The following MCF2L variants were observed in gnomAD, a reference collection of about 807,000 sequenced individuals.
MCF2L encodes MCF.2 cell line derived transforming sequence like, also known as guanine nucleotide exchange factor DBS.
MCF2L carries 97 observed loss-of-function variants against 153.4 expected under a neutral mutation model. That is an observed-to-expected ratio of 0.63 (90% CI 0.54 to 0.75). MCF2L has a LOEUF of 0.75. MCF2L is among the 30% of genes least tolerant of loss of function. MCF2L has a pLI of 0.00. For synonymous variants in MCF2L, 659 were observed against 632.2 expected (o/e 1.04, Z -0.64); for missense variants, 1,347 against 1,495.2 (o/e 0.90, Z 1.64).
At chr13:113,058,990 C>CTGAGTGTTTT (rs2030887439) in intron 4 of MCF2L, among the ~76,000 whole-genome samples, 2 of 69,348 alleles carry the variant, frequency 2.9e-5, no homozygotes, top group Non-Finnish European at 6.5e-5. Flanking sequence ...CTGAGTGTTT[C>CTGAGTGTTTT]AGTGCCATTT....
chr13:113,012,594 A>G (rs2084226912), intron 1 of MCF2L, among the ~76,000 whole-genome samples: 1 of 111,808 alleles, frequency 8.9e-6, no homozygotes, highest in African/African-American at 3.2e-5. Flanking sequence ...TGCAGTGTGG[A>G]CTGTGGACAC....
intron 1 of MCF2L, among the ~76,000 whole-genome samples, chr13:113,005,972 G>A (rs2083669054): frequency 6.6e-6 from 1 of 152,202 alleles, no homozygotes; most frequent in Non-Finnish European, 1.5e-5. Flanking sequence ...CTGAGTAAAT[G>A]GGGCTGCTTA....
chr13:112,911,719 G>C (rs1277133577), intron 2 of MCF2L, among the ~76,000 whole-genome samples: 1 of 152,272 alleles, frequency 6.6e-6, no homozygotes, highest in East Asian at 1.9e-4. Context: ...TTTCCTCACA[G>C]AATACCCGGG....
At position 112,962,711 on chromosome 13, in the gene MCF2L, C is replaced by G. The variant is rs914431506; in HGVS notation, c.170-52052C>G. On this transcript the variant is annotated intron_variant, in intron 2 of 29. Coordinates refer to the MCF2L transcript ENST00000375608. ...CTAGCCGTTCTCCCGGGACCTCCCCCCAGGCTCTGGGAGGGAAGGCCCCAA... is the reference window on the plus strand; with the variant it reads ...CTAGCCGTTCTCCCGGGACCTCCCCGCAGGCTCTGGGAGGGAAGGCCCCAA... Among the ~76,000 whole-genome samples, 6 of 152,232 alleles carry G rather than the reference C, an allele frequency of 3.9e-5. No individual in the cohort carries two copies. The South Asian group carries it at 1.2e-3, about 31-fold the overall frequency.
intron 2 of MCF2L, among the ~76,000 whole-genome samples, chr13:113,015,177 C>G (rs1261773988): frequency 6.6e-6 from 1 of 152,190 alleles, no homozygotes; most frequent in Non-Finnish European, 1.5e-5. Context: ...TCAGTGAACC[C>G]CAGTTCCTGC....
chr13:112,963,844 C>T (rs2081861970), intron 2 of MCF2L, among the ~76,000 whole-genome samples: 1 of 152,218 alleles, frequency 6.6e-6, no homozygotes, highest in Admixed American at 6.5e-5. Context: ...GTGCTGGCCC[C>T]CCAGAAGCTG....
chr13:112,897,815 C>T (rs922398560), intron 1 of MCF2L, among the ~76,000 whole-genome samples: 8 of 152,336 alleles, frequency 5.3e-5, no homozygotes, highest in African/African-American at 1.9e-4. Context: ...AGAGACATGG[C>T]AGGTGGAGCC....
intron 1 of MCF2L, among the ~76,000 whole-genome samples, chr13:112,971,095 G>T (rs538929779): frequency 1.6e-4 from 24 of 152,286 alleles, no homozygotes; most frequent in African/African-American, 5.8e-4. Flanking sequence ...TTCTGCTCAC[G>T]CTGTGTGAGG....
chr13:112,959,424 G>A (rs2081797518), intron 2 of MCF2L, among the ~76,000 whole-genome samples: 2 of 152,090 alleles, frequency 1.3e-5, no homozygotes, highest in East Asian at 1.9e-4. Flanking sequence ...TCTCTGGCAC[G>A]GCCTCGGTGT....
At chr13:112,958,867 G>A (rs552767240) in intron 2 of MCF2L, among the ~76,000 whole-genome samples, 16 of 152,258 alleles carry the variant, frequency 1.1e-4, no homozygotes, top group African/African-American at 3.1e-4. Flanking sequence ...AGACCCTCCC[G>A]CACAGGGTCT....
chr13:113,061,238 C>T (rs921237230), intron 5 of MCF2L, among the ~76,000 whole-genome samples: 7 of 152,148 alleles, frequency 4.6e-5, no homozygotes, highest in Admixed American at 1.3e-4. Context: ...CACACTATCC[C>T]GGCACAGGGC....
At chr13:112,898,340 G>T (rs1473091263) in intron 1 of MCF2L, among the ~76,000 whole-genome samples, 1 of 152,206 alleles carries the variant, frequency 6.6e-6, no homozygotes, top group Non-Finnish European at 1.5e-5. Flanking sequence ...CGAGCTGGTT[G>T]CGGGGCGTGA....
intron 2 of MCF2L, among the ~76,000 whole-genome samples, chr13:112,911,899 G>A (rs2081236983): frequency 6.6e-6 from 1 of 152,206 alleles, no homozygotes; most frequent in Non-Finnish European, 1.5e-5. Flanking sequence ...GTTCTGTTTA[G>A]CAGCAGAGAA....
At chr13:113,014,324 C>T (rs1404224594) in intron 1 of MCF2L, among the ~76,000 whole-genome samples, 1 of 152,242 alleles carries the variant, frequency 6.6e-6, no homozygotes, top group East Asian at 1.9e-4. Flanking sequence ...GCCAGGTTTT[C>T]CTCCTGGGCC....
At chr13:112,979,053 G>C (rs1176023031) in intron 1 of MCF2L, among the ~76,000 whole-genome samples, 1 of 152,232 alleles carries the variant, frequency 6.6e-6, no homozygotes, top group Non-Finnish European at 1.5e-5. Flanking sequence ...ACCTCTTGGG[G>C]AAAAGCATCT....
chr13:112,894,586 C>G (rs1395675270), intron 1 of MCF2L, among the ~76,000 whole-genome samples: 3 of 151,946 alleles, frequency 2.0e-5, no homozygotes, highest in Middle Eastern at 3.2e-3. Context: ...GGACCCGGCT[C>G]GCGGTCAGGG....
chr13:113,077,266 G>T, intron 13 of MCF2L, 55 bp downstream of exon 13: 1 of 1,451,614 alleles, frequency 6.9e-7, no homozygotes. Flanking sequence ...GGGAGCCCCG[G>T]GCGTTGAGAG....
intron 3 of MCF2L, among the ~76,000 whole-genome samples, chr13:113,041,569 G>A (rs1227823831): frequency 6.6e-6 from 1 of 151,532 alleles, no homozygotes; most frequent in Non-Finnish European, 1.5e-5. Context: ...TCAGTATGGG[G>A]GATCATGTGG....
rs2081661600 is a variant in MCF2L, at chr13:112,948,710, A to T, written c.169+46339A>T. 2.6e-5 allele frequency among the ~76,000 whole-genome samples: 4 copies of T among 152,364 alleles called. No individual in the cohort carries two copies. The South Asian group carries it at 8.3e-4, about 32-fold the overall frequency. ...TTCTTGTCTACCTCTCTAGAAAATG[A>T]AGAGCAAAATAAACCCAAAGAAAAG... is the stretch of plus-strand genomic sequence containing the variant. On this transcript the variant is annotated intron_variant, in intron 2 of 29. Coordinates refer to the MCF2L transcript ENST00000375608.
Sources: allele counts gnomAD v4.1 joint callset (sites outside exome capture counted in the v4.1 genomes callset), GRCh38; gene constraint gnomAD v4.1.1; transcripts MANE v1.5; gene names NCBI Gene and HGNC (gene_info 2026-07-23, HGNC 2026-07-21).